The following LINGO1 variants were observed in gnomAD, a reference collection of about 807,000 sequenced individuals.
LINGO1 encodes the protein leucine rich repeat and Ig domain containing 1.
A neutral mutation model predicts 37.3 loss-of-function variants in LINGO1; 11 were observed. The ratio of observed to expected loss-of-function variants is 0.29; its 90% CI spans 0.19 to 0.49. The LOEUF (loss-of-function observed/expected upper bound fraction) is 0.49. Ranked by LOEUF, LINGO1 falls within the 20% of genes least tolerant of loss-of-function variation. The pLI is 0.99. For missense variants in LINGO1, 585 were observed against 878.2 expected (o/e 0.67, Z 4.22); for synonymous variants, 387 against 403.0 (o/e 0.96, Z 0.48).
chr15:77,786,925 C>G (rs4509984), exon 1 of LINGO1: 85,215 of 152,246 alleles, frequency 0.56, 23,882 homozygotes, highest in South Asian at 0.61. Context: ...TGCCTCTCAG[C>G]TGCTGTGAAG....
chr15:77,816,182 G>A (rs193296841), intron 1 of LINGO1, among the ~76,000 whole-genome samples: 2 of 152,316 alleles, frequency 1.3e-5, no homozygotes, highest in African/African-American at 2.4e-5. Context: ...ATACTCAGAG[G>A]TATGGGTCCA....
intron 1 of LINGO1, among the ~76,000 whole-genome samples, chr15:77,802,480 G>GA (rs1193125788): frequency 6.6e-6 from 1 of 152,050 alleles, no homozygotes; most frequent in Non-Finnish European, 1.5e-5. Context: ...CTGCAGAGGG[G>GA]CCAGGAGCAG....
At position 77,691,632 on chromosome 15, in the gene LINGO1, G is replaced by A. The variant is rs569158938; in HGVS notation, c.-280-731C>T. The stretch of plus-strand genomic sequence containing the variant: ...CAATGCATGTCCTGAGATTGTCCCG[G>A]AAAACTGTCACTCAGAGGGGAAGAC... On this transcript the variant is annotated intron_variant, in intron 1 of 3. Transcript: ENST00000559893. Among the ~76,000 whole-genome samples, 17 of 152,142 alleles carry A rather than the reference G, an allele frequency of 1.1e-4. 1 individual carries two copies. In the South Asian group the frequency reaches 3.5e-3, roughly 32 times the overall value.
upstream of LINGO1, among the ~76,000 whole-genome samples, chr15:77,697,814 G>A (rs2075716112): frequency 6.6e-6 from 1 of 152,166 alleles, no homozygotes; most frequent in South Asian, 2.1e-4. Flanking sequence ...GGGTATTAAA[G>A]GAAAACGAGT....
chr15:77,703,023 G>A (rs1430225391), intron 2 of LINGO1, among the ~76,000 whole-genome samples: 1 of 152,230 alleles, frequency 6.6e-6, no homozygotes, highest in Non-Finnish European at 1.5e-5. Flanking sequence ...AGATGTGAAT[G>A]AGAACTGAGC....
chr15:77,801,335 A>G (rs1169116150), intron 1 of LINGO1, among the ~76,000 whole-genome samples: 2 of 152,258 alleles, frequency 1.3e-5, no homozygotes, highest in South Asian at 2.1e-4. Flanking sequence ...CTCTGCAGCC[A>G]TCTGACAGAG....
chr15:77,762,806 T>A (rs1473583754), intron 1 of LINGO1, among the ~76,000 whole-genome samples: 1 of 151,692 alleles, frequency 6.6e-6, no homozygotes, highest in African/African-American at 2.4e-5. Flanking sequence ...CACCCGTGCC[T>A]GCCAAGCAGC....
intron 1 of LINGO1, among the ~76,000 whole-genome samples, chr15:77,814,653 A>C (rs576705311): frequency 1.3e-5 from 2 of 152,258 alleles, no homozygotes; most frequent in South Asian, 4.1e-4. Context: ...ACCCATGAGG[A>C]AAGTGAGGCT....
chr15:77,615,945 C>T, intron 1 of LINGO1, 45 bp from the exon 2 acceptor site: 2 of 1,381,048 alleles, frequency 1.4e-6, no homozygotes, highest in East Asian at 2.5e-5. Context: ...GGTTAGGGGG[C>T]AGTGTGTGTC....
chr15:77,727,978 A>G (rs1450398107), intron 2 of LINGO1, among the ~76,000 whole-genome samples: 1 of 152,174 alleles, frequency 6.6e-6, no homozygotes, highest in Non-Finnish European at 1.5e-5. Flanking sequence ...AGTCTTAACC[A>G]TGCATCTTAA....
chr15:77,694,350 C>T (rs1326829120), intron 1 of LINGO1, among the ~76,000 whole-genome samples: 1 of 152,132 alleles, frequency 6.6e-6, no homozygotes, highest in Non-Finnish European at 1.5e-5. Context: ...AGGAAACAGG[C>T]CCAGAGAGGG....
At chr15:77,708,483 T>C (rs776756068) in intron 2 of LINGO1, among the ~76,000 whole-genome samples, 2 of 152,162 alleles carry the variant, frequency 1.3e-5, no homozygotes, top group African/African-American at 2.4e-5. Flanking sequence ...TCCCCCCAAA[T>C]TCATGTCCAT....
chr15:77,735,959 GT>G (rs1436837190), intron 1 of LINGO1, among the ~76,000 whole-genome samples: 1 of 152,224 alleles, frequency 6.6e-6, no homozygotes, highest in Non-Finnish European at 1.5e-5. Context: ...CTGTGGGCTG[GT>G]GCAGTCACGG....
chr15:77,736,316 T>C (rs762139003), intron 1 of LINGO1, among the ~76,000 whole-genome samples: 62 of 152,346 alleles, frequency 4.1e-4, no homozygotes, highest in Admixed American at 1.4e-3. Flanking sequence ...TTTTGAGACC[T>C]TTCCCTGTCC....
chr15:77,806,030 C>G (rs911131523), intron 1 of LINGO1, among the ~76,000 whole-genome samples: 1 of 152,170 alleles, frequency 6.6e-6, no homozygotes, highest in African/African-American at 2.4e-5. Flanking sequence ...CTCGAGGTTC[C>G]CTCCACCTCT....
At chr15:77,628,161 A>C (rs1187104167) in intron 1 of LINGO1, among the ~76,000 whole-genome samples, 6 of 152,222 alleles carry the variant, frequency 3.9e-5, no homozygotes, top group Admixed American at 3.9e-4. Flanking sequence ...CAAATATCCT[A>C]GTAAGAGTGA....
At chr15:77,817,621 G>C (rs1383666844) in intron 1 of LINGO1, among the ~76,000 whole-genome samples, 1 of 152,152 alleles carries the variant, frequency 6.6e-6, no homozygotes, top group African/African-American at 2.4e-5. Context: ...CAGGTCAGGA[G>C]CTTTTGTTCA....
intron 1 of LINGO1, among the ~76,000 whole-genome samples, chr15:77,740,346 T>TCCCCAA (rs1184780089): frequency 6.6e-6 from 1 of 152,068 alleles, no homozygotes; most frequent in African/African-American, 2.4e-5. Context: ...AAAGGCCAGG[T>TCCCCAA]CCCCAAATTA....
At chr15:77,643,200 G>C (rs558535185) in intron 3 of LINGO1, among the ~76,000 whole-genome samples, 6 of 152,366 alleles carry the variant, frequency 3.9e-5, no homozygotes, top group South Asian at 2.1e-4. Context: ...AGTCAGGGCA[G>C]CCTGGTCAGA....
Sources: gnomAD v4.1 joint callset for allele counts (sites outside exome capture counted in the v4.1 genomes callset) on GRCh38, gnomAD v4.1.1 for gene constraint, MANE v1.5 for transcripts, NCBI Gene and HGNC (gene_info 2026-07-23, HGNC 2026-07-21) for gene names.